The following SPOCD1 variants were observed in gnomAD, a reference collection of about 807,000 sequenced individuals.
The protein encoded by SPOCD1 is SPOC domain-containing protein 1.
A neutral mutation model predicts 92.2 loss-of-function variants in SPOCD1; 64 were observed. The ratio of observed to expected loss-of-function variants is 0.69; its 90% CI spans 0.57 to 0.86. The LOEUF is 0.86. Ranked by LOEUF, SPOCD1 falls within the 40% of genes least tolerant of loss-of-function variation. The pLI is 0.00. For missense variants in SPOCD1, 1,360 were observed against 1,543.1 expected (o/e 0.88, Z 1.99); for synonymous variants, 578 against 619.3 (o/e 0.93, Z 0.99).
At position 31,798,441 on chromosome 1, in the gene SPOCD1, C is replaced by T; in HGVS notation, c.2028+1G>A. On this transcript the variant is annotated splice_donor_variant, in intron 8 of 15. Coordinates refer to ENST00000360482, the MANE Select transcript of SPOCD1 (RefSeq NM_144569.7). LOFTEE classifies it high-confidence loss of function. The surrounding 1 kb of genome is among the most constrained non-coding windows in gnomAD (Gnocchi z 4.1). ...GCAGCCCAGCCCAAAGCCCTGCTCA[C>T]CAGGTTCCTGGGGTCCCGCAGGTTG... 1.2e-6 allele frequency: 2 copies of T among 1,606,294 alleles called. No individual in the cohort carries two copies. The highest frequency in any genetic ancestry group is 1.7e-6 in the Non-Finnish European group (2 of 1,175,562).
At position 31,791,238 on chromosome 1, in the gene SPOCD1, G is replaced by A. The variant is rs1261393262; in HGVS notation, c.3016C>T (p.His1006Tyr). The A allele has an allele frequency of 1.3e-6, 2 of 1,590,196 alleles. No homozygotes were observed. Among genetic ancestry groups the A allele is most frequent in the African/African-American group, 2.7e-5 (2 of 74,312 alleles). The part of the protein sequence containing the change: ...PLLSPGLEVT[H>Y]SSLLLAVLLP... ...AGCACAGCCAGCAACAGACTTGAGT[G>A]AGTGACCTCCAGACCTGGGGAAAGG... The change falls in exon 16 of 16, where the codon CAC (histidine) becomes TAC (tyrosine). Residue 1006 changes from histidine (H) to tyrosine (Y), a missense_variant. His to Tyr is a moderately conservative substitution (Grantham distance 83). Coordinates refer to ENST00000360482, the MANE Select transcript of SPOCD1 (RefSeq NM_144569.7).
intron 4 of SPOCD1, 128 bp downstream of exon 4, chr1:31,800,313 C>T: frequency 8.4e-6 from 12 of 1,426,626 alleles, no homozygotes; most frequent in Non-Finnish European, 1.1e-5. Flanking sequence ...GGGCCGAACC[C>T]TGCCTCTGGC....
rs768141807 is a variant in SPOCD1 at position 31,793,858 on chromosome 1, G to A, written c.2423C>T (p.Ala808Val). The A allele has an allele frequency of 5.0e-6, 8 of 1,614,082 alleles. No homozygotes were observed. In the South Asian group the frequency reaches 7.7e-5, roughly 16 times the overall value. ...PSNELLGSFEAAKSCGDNIFQ... is the reference protein window; with the variant it reads ...PSNELLGSFEVAKSCGDNIFQ... ...GATATTGTCCCCGCAGCTCTTGGCG[G>A]CTTCGAAGGAGCCTAGCAGCTCATT... is the stretch of plus-strand genomic sequence containing the variant. Residue 808 changes from alanine (A) to valine (V), a missense_variant, in exon 12 of 16, where the codon GCC (alanine) becomes GTC (valine). This residue lies in a region of SPOCD1 where 614 missense variants were observed against 757.8 expected (regional missense o/e 0.81). Transcript: ENST00000360482.
intron 2 of SPOCD1, among the ~76,000 whole-genome samples, chr1:31,811,805 A>C (rs1649218323): frequency 6.6e-6 from 1 of 152,196 alleles, no homozygotes; most frequent in Non-Finnish European, 1.5e-5. Flanking sequence ...GTTGTTTGGA[A>C]AGCTGTGGGA....
chr1:31,800,840 C>T (rs893271744), intron 3 of SPOCD1, among the ~76,000 whole-genome samples: 6 of 152,194 alleles, frequency 3.9e-5, no homozygotes, highest in Admixed American at 1.3e-4. Flanking sequence ...TAGCCTCTGT[C>T]CCAGGAGAGG....
Position 31,793,390 on chromosome 1 carries a change from G to C in SPOCD1, c.2573C>G (p.Thr858Arg), listed in dbSNP as rs1473018636. The C allele has an allele frequency of 6.3e-7, 1 of 1,593,236 alleles. No homozygotes were observed. The highest frequency in any genetic ancestry group is 1.8e-5 in the Admixed American group (1 of 56,730). The change falls in exon 13 of 16, where the codon ACA becomes AGA. Residue 858 changes from threonine to arginine, a missense_variant. By Grantham distance (71) the Thr-to-Arg change is moderately conservative (BLOSUM62 -1). Coordinates refer to ENST00000360482, the MANE Select transcript of SPOCD1 (RefSeq NM_144569.7). ...PSGLHVPAAP[T>R]KALPCLPPWE... ...GGGTGGCAGGCAGGGCAGGGCCTTTGTGGGTGCAGCAGGCACATGGAGCCC... is the reference window on the plus strand; with the variant it reads ...GGGTGGCAGGCAGGGCAGGGCCTTTCTGGGTGCAGCAGGCACATGGAGCCC...
chr1:31,810,255 C>T (rs930825652), intron 2 of SPOCD1, among the ~76,000 whole-genome samples: 4 of 152,088 alleles, frequency 2.6e-5, no homozygotes, highest in African/African-American at 9.7e-5. Context: ...GGAGTCAAAC[C>T]CTGGCTCGGC....
chr1:31,798,271 C>T lies in SPOCD1; in HGVS notation c.2081G>A (p.Arg694Gln), dbSNP rs199645489. 6.2e-6 allele frequency: 10 copies of T among 1,614,078 alleles called. No homozygotes were observed. The highest frequency in any genetic ancestry group is 4.5e-5 in the East Asian group (2 of 44,876). ...HGDVTPYDLV[R>Q]MSSMQLAPQE... ...GGGGGCCAGCTGCATCGAGCTCATC[C>T]GCACCAGGTCGTAGGGGGTGACATC... Residue 694 changes from arginine to glutamine, a missense_variant, in exon 9 of 16, where the codon CGG (arginine) becomes CAG (glutamine). Physicochemically the swap from Arg to Gln is conservative, Grantham distance 43. Around this residue, in one of 3 missense-constraint regions of SPOCD1, gnomAD observed 614 missense variants for 757.8 expected, o/e 0.81. Coordinates refer to ENST00000360482, the MANE Select transcript of SPOCD1 (RefSeq NM_144569.7). This position sits in a 1 kb window ranked among gnomAD's most constrained non-coding sequence, Gnocchi z 4.1.
At chr1:31,792,052 T>C in intron 15 of SPOCD1, 163 bp downstream of exon 15, 1 of 728,496 alleles carries the variant, frequency 1.4e-6, no homozygotes, top group Non-Finnish European at 2.2e-6. Flanking sequence ...GTTCATGATA[T>C]CCAAGCGTGA....
intron 2 of SPOCD1, among the ~76,000 whole-genome samples, chr1:31,809,993 T>G (rs1355341411): frequency 6.6e-6 from 1 of 152,124 alleles, no homozygotes; most frequent in African/African-American, 2.4e-5. Context: ...CACTGCCCTC[T>G]TCCTAGCAAG....
Position 31,815,348 on chromosome 1 carries a change from C to A in SPOCD1, c.-15G>T. On this transcript the variant is annotated 5_prime_UTR_variant, in exon 2 of 16. The change creates a new upstream start codon in the 5' untranslated region. Coordinates refer to ENST00000360482, the MANE Select transcript of SPOCD1 (RefSeq NM_144569.7). The stretch of plus-strand genomic sequence containing the variant: ...GCCTGGGACATGTCTGTCCACCTAC[C>A]TGGGCCAAAAGCACAACACGGGCCC... 6.6e-7 allele frequency: 1 copy of A among 1,521,862 alleles called. No individual in the cohort carries two copies. The highest frequency in any genetic ancestry group is 8.8e-7 in the Non-Finnish European group (1 of 1,133,560). 94.3% of individuals were successfully genotyped at this position (1,521,862 alleles called of 1,614,324 possible).
chr1:31,796,161 T>A, intron 10 of SPOCD1: 1 of 283,868 alleles, frequency 3.5e-6, no homozygotes, highest in South Asian at 3.4e-5. Context: ...ACTGCCAGGG[T>A]GCCGGGTGGT....
intron 2 of SPOCD1, among the ~76,000 whole-genome samples, chr1:31,813,734 C>G (rs1649352744): frequency 6.6e-6 from 1 of 152,194 alleles, no homozygotes. Flanking sequence ...GACTCACTGA[C>G]TCCAAAAGAT....
At position 31,791,269 on chromosome 1, in the gene SPOCD1, G is replaced by C. The variant is rs754913889; in HGVS notation, c.2985C>G (p.Ser995=). The C allele has an allele frequency of 6.5e-7, 1 of 1,546,110 alleles. No homozygotes were observed. The highest frequency in any genetic ancestry group is 2.3e-5 in the East Asian group (1 of 43,734). ...GGPGLWALPV[S]PLLSPGLEVT... is the part of the protein sequence containing the mutation. ...CCTCCAGACCTGGGGAAAGGAGAGG[G>C]GAGACAGGAAGAGCCCAAAGGCCTG... is the stretch of plus-strand genomic sequence containing the variant. Residue 995 remains serine, a synonymous_variant, in exon 16 of 16, where the codon TCC becomes TCG. Coordinates refer to ENST00000360482, the MANE Select transcript of SPOCD1 (RefSeq NM_144569.7).
intron 10 of SPOCD1, chr1:31,795,523 C>G (rs1347091262): frequency 6.6e-6 from 1 of 152,180 alleles, no homozygotes. Flanking sequence ...CCCTCCCCTC[C>G]CACCTCCTCT....
At chr1:31,809,585 T>C (rs752743278) in intron 2 of SPOCD1, among the ~76,000 whole-genome samples, 3 of 151,756 alleles carry the variant, frequency 2.0e-5, no homozygotes, top group Non-Finnish European at 2.9e-5. Flanking sequence ...ATAAATAAAT[T>C]GGGGCATATT....
chr1:31,800,599 T>A lies in SPOCD1; in HGVS notation c.1444A>T (p.Ile482Phe), dbSNP rs765147868. The A allele has an allele frequency of 6.2e-7, 1 of 1,607,876 alleles. No individual in the cohort carries two copies. Among genetic ancestry groups the A allele is most frequent in the South Asian group, 1.1e-5 (1 of 90,320 alleles). The change falls in exon 4 of 16, where the codon ATC becomes TTC. Residue 482 changes from isoleucine to phenylalanine, a missense_variant. Physicochemically the swap from Ile to Phe is conservative, Grantham distance 21. Transcript: ENST00000360482. ...LVCYLGSGPV[I>F]QLLGAISHGQ... is the part of the protein sequence containing the mutation. Reference sequence around the variant, plus strand: ...TGGCTGATGGCCCCCAGGAGCTGGATCACTGGCCCGGAACCCAGCTGCGGG... The same window carrying A: ...TGGCTGATGGCCCCCAGGAGCTGGAACACTGGCCCGGAACCCAGCTGCGGG...
At chr1:31,797,324 A>G (rs1209234404) in intron 9 of SPOCD1, among the ~76,000 whole-genome samples, 1 of 152,256 alleles carries the variant, frequency 6.6e-6, no homozygotes, top group Non-Finnish European at 1.5e-5. Flanking sequence ...TGGTGGGATC[A>G]GCCTCGTGGG....
chr1:31,798,271 C>A lies in SPOCD1; in HGVS notation c.2081G>T (p.Arg694Leu). ...HGDVTPYDLV[R>L]MSSMQLAPQE... is the part of the protein sequence containing the mutation. ...GGGGGCCAGCTGCATCGAGCTCATCCGCACCAGGTCGTAGGGGGTGACATC... is the reference window on the plus strand; with the variant it reads ...GGGGGCCAGCTGCATCGAGCTCATCAGCACCAGGTCGTAGGGGGTGACATC... Residue 694 changes from arginine to leucine, a missense_variant, in exon 9 of 16, where the codon CGG (arginine) becomes CTG (leucine). By Grantham distance (102) the Arg-to-Leu change is moderately radical. Coordinates refer to ENST00000360482, the MANE Select transcript of SPOCD1 (RefSeq NM_144569.7). This position sits in a 1 kb window ranked among gnomAD's most constrained non-coding sequence, Gnocchi z 4.1. 6.2e-7 allele frequency: 1 copy of A among 1,614,078 alleles called. No homozygotes were observed. Among genetic ancestry groups the A allele is most frequent in the Non-Finnish European group, 8.5e-7 (1 of 1,180,032 alleles).
Sources: allele counts gnomAD v4.1 joint callset (sites outside exome capture counted in the v4.1 genomes callset), GRCh38; gene constraint gnomAD v4.1.1; regional missense constraint gnomAD v4.1.1; non-coding constraint Gnocchi (gnomAD v3.1); transcripts MANE v1.5; gene names NCBI Gene and HGNC (gene_info 2026-07-23, HGNC 2026-07-21).